The following NCOA7 variants were observed in gnomAD, a reference collection of about 807,000 sequenced individuals.
The protein encoded by NCOA7 is 140 kDa estrogen receptor-associated protein.
A neutral mutation model predicts 104.3 loss-of-function variants in NCOA7; 45 were observed. That is an observed-to-expected ratio of 0.43 (90% CI 0.34 to 0.55). The LOEUF (loss-of-function observed/expected upper bound fraction) is 0.55. NCOA7 is among the 20% of genes least tolerant of loss of function. NCOA7 has a pLI of 0.02. For synonymous variants in NCOA7, 398 were observed against 402.3 expected (o/e 0.99, Z 0.13); for missense variants, 1,041 against 1,119.7 (o/e 0.93, Z 1.00).
At chr6:125,903,317 G>A (rs1005676989) in intron 10 of NCOA7, among the ~76,000 whole-genome samples, 7 of 152,126 alleles carry the variant, frequency 4.6e-5, no homozygotes, top group African/African-American at 1.7e-4. Flanking sequence ...GCCACACCTG[G>A]GGTCTGGCCT....
upstream of NCOA7, chr6:125,786,286 C>A (rs1418273317): frequency 6.6e-6 from 1 of 152,204 alleles, no homozygotes; most frequent in Non-Finnish European, 1.5e-5. Flanking sequence ...AGTGAATTTT[C>A]TTGGTGCTAG....
At chr6:125,835,713 A>G (rs1779558067) in intron 2 of NCOA7, among the ~76,000 whole-genome samples, 1 of 152,220 alleles carries the variant, frequency 6.6e-6, no homozygotes, top group African/African-American at 2.4e-5. Flanking sequence ...GCAGAGACTC[A>G]GTGCTTTGAT....
chr6:125,782,971 C>T (rs568773751), intron 1 of NCOA7, among the ~76,000 whole-genome samples: 170 of 152,212 alleles, frequency 1.1e-3, no homozygotes, highest in Admixed American at 2.8e-3. Context: ...GCAGAGGAGT[C>T]AGGTCAGAGT....
intron 2 of NCOA7, among the ~76,000 whole-genome samples, chr6:125,823,498 G>A (rs1428326005): frequency 1.3e-5 from 2 of 152,168 alleles, no homozygotes; most frequent in Non-Finnish European, 2.9e-5. Context: ...GAGCCGTGAT[G>A]TTAAGGCTTA....
chr6:125,928,580 T>C (rs1248450398), intron 15 of NCOA7, 56 bp from the exon 16 acceptor site: 2 of 1,551,974 alleles, frequency 1.3e-6, no homozygotes, highest in Non-Finnish European at 1.7e-6. Context: ...GAGAGAATAG[T>C]GTGTCATGTA....
At chr6:125,809,238 G>T (rs1257754711) in intron 1 of NCOA7, among the ~76,000 whole-genome samples, 1 of 152,004 alleles carries the variant, frequency 6.6e-6, no homozygotes, top group African/African-American at 2.4e-5. Flanking sequence ...GCCCAGGCTG[G>T]AGTGCAGTGG....
rs1458748803 is a variant in NCOA7 at position 125,862,749 on chromosome 6, A to G, written c.271+7509A>G. Among the ~76,000 whole-genome samples, 2 of 138,838 alleles carry G rather than the reference A, an allele frequency of 1.4e-5. 1 individual carries two copies. The highest frequency in any genetic ancestry group is 6.0e-5 in the African/African-American group (2 of 33,434). The allele number at this position is 138,838 out of a possible 152,430, so 91.1% of individuals were successfully genotyped here. A position where few individuals can be genotyped will look rare whatever the true frequency, so the allele number is the denominator to read the frequency against. ...CTAGGTGTGGTGGTTCATGCCTATA[A>G]TCACAGCACTTTGGGGGGCCAAGGC... On this transcript the variant is annotated intron_variant, in intron 3 of 15. Transcript: ENST00000392477.
intron 10 of NCOA7, among the ~76,000 whole-genome samples, chr6:125,908,539 A>C (rs1044995800): frequency 6.6e-6 from 1 of 152,208 alleles, no homozygotes; most frequent in African/African-American, 2.4e-5. Flanking sequence ...GAGAAGCTCT[A>C]ATAATATTGA....
At chr6:125,875,265 C>G (rs1197536347) in intron 4 of NCOA7, 4 of 275,560 alleles carry the variant, frequency 1.5e-5, no homozygotes, top group Non-Finnish European at 7.3e-6. Context: ...CCTTTCTTCC[C>G]CCACCACTCC....
At chr6:125,868,109 G>A (rs889388781) in intron 3 of NCOA7, among the ~76,000 whole-genome samples, 54 of 152,128 alleles carry the variant, frequency 3.5e-4, no homozygotes, top group Admixed American at 3.1e-3. Flanking sequence ...TCTATTCTTA[G>A]TTTTCTAACA....
At position 125,855,012 on chromosome 6, in the gene NCOA7, T is replaced by C. The variant is rs901679334; in HGVS notation, c.51-8T>C. On this transcript the variant is annotated splice_region_variant and splice_polypyrimidine_tract_variant and intron_variant, in intron 2 of 15. Coordinates refer to ENST00000392477, the MANE Select transcript of NCOA7 (RefSeq NM_181782.5). The stretch of plus-strand genomic sequence containing the variant: ...CAATGTTTTTTCTTTTTTTTCCCTC[T>C]TTCCTAGACTGAAAAAGAAAAAACA... 2 of 1,578,064 alleles carry C rather than the reference T, an allele frequency of 1.3e-6. No homozygotes were observed. Among genetic ancestry groups the C allele is most frequent in the African/African-American group, 2.7e-5 (2 of 73,052 alleles).
At chr6:125,923,365 C>T (rs1224176791) in intron 13 of NCOA7, among the ~76,000 whole-genome samples, 2 of 152,276 alleles carry the variant, frequency 1.3e-5, no homozygotes, top group East Asian at 3.9e-4. Flanking sequence ...CTGTACCGTT[C>T]TTGATTGTAC....
At chr6:125,798,380 T>A (rs764784265) in intron 1 of NCOA7, among the ~76,000 whole-genome samples, 1 of 152,236 alleles carries the variant, frequency 6.6e-6, no homozygotes, top group Non-Finnish European at 1.5e-5. Flanking sequence ...AATAATAGTA[T>A]CTACCTCCTA....
In NCOA7 at chr6:125,854,988, A is replaced by C. The variant is rs773793194; in HGVS notation, c.51-32A>C. On this transcript the variant is annotated intron_variant, in intron 2 of 15. Transcript: ENST00000392477. ...ATTTCTACCAGCAAATCATCTCTCC[A>C]ATGTTTTTTCTTTTTTTTCCCTCTT... The C allele has an allele frequency of 2.7e-4, 390 of 1,447,474 alleles. 3 individuals carry two copies. The highest frequency in any genetic ancestry group is 2.2e-5 in the Non-Finnish European group (23 of 1,056,990). The allele number at this position is 1,447,474 out of a possible 1,614,324, so 89.7% of individuals were successfully genotyped here.
Position 125,930,414 on chromosome 6 carries a change from A to G in NCOA7, c.*1643A>G, listed in dbSNP as rs1788398296. 6.6e-6 allele frequency: 1 copy of G among 152,630 alleles called. No homozygotes were observed. Among genetic ancestry groups the G allele is most frequent in the African/African-American group, 2.4e-5 (1 of 41,438 alleles). The allele number at this position is 152,630 out of a possible 1,614,324, so 9.5% of individuals were successfully genotyped here. A position where few individuals can be genotyped will look rare whatever the true frequency, so the allele number is the denominator to read the frequency against. On this transcript the variant is annotated 3_prime_UTR_variant, in exon 16 of 16. Coordinates refer to ENST00000392477, the MANE Select transcript of NCOA7 (RefSeq NM_181782.5). ...TACTTAACCAATATTATTGATTACC[A>G]GACTTTTATGAAAGCCAAAGACTGC...
chr6:125,832,560 GA>G (rs1779277639), intron 2 of NCOA7, among the ~76,000 whole-genome samples: 1 of 152,182 alleles, frequency 6.6e-6, no homozygotes, highest in African/African-American at 2.4e-5. Flanking sequence ...TTGCAGCCTG[GA>G]TAGAGGAAAT....
chr6:125,906,678 G>C (rs566536447), intron 10 of NCOA7, among the ~76,000 whole-genome samples: 1 of 152,130 alleles, frequency 6.6e-6, no homozygotes, highest in Non-Finnish European at 1.5e-5. Flanking sequence ...GGGGAGAGAG[G>C]AGGAAGAGGG....
Position 125,889,123 on chromosome 6 carries a change from C to T in NCOA7, c.1069C>T (p.His357Tyr), listed in dbSNP as rs758455986. The change falls in exon 9 of 16, where the codon CAT (histidine) becomes TAT (tyrosine). Residue 357 changes from histidine to tyrosine, a missense_variant. Around this residue, in one of 2 missense-constraint regions of NCOA7, gnomAD observed 914 missense variants for 942.7 expected, o/e 0.97. Transcript: ENST00000392477. ...AGTACCTTTGGAGAAGTCCACAGGA[C>T]ATACACCTACAAAGCCCTCAGGCAG... ...PIVPLEKSTG[H>Y]TPTKPSGSSV... is the part of the protein sequence containing the mutation. The T allele has an allele frequency of 1.7e-5, 27 of 1,614,022 alleles. No homozygotes were observed. The South Asian group carries it at 2.6e-4, about 16-fold the overall frequency.
Position 125,922,686 on chromosome 6 carries a change from C to G in NCOA7, c.2375C>G (p.Ala792Gly), listed in dbSNP as rs373968472. The G allele has an allele frequency of 1.3e-5, 21 of 1,611,808 alleles. No individual in the cohort carries two copies. The East Asian group carries it at 1.8e-4, about 14-fold the overall frequency. The change falls in exon 13 of 16, where the codon GCC becomes GGC. Residue 792 changes from alanine to glycine, a missense_variant. By Grantham distance (60) the Ala-to-Gly change is moderately conservative. Around this residue, in one of 2 missense-constraint regions of NCOA7, gnomAD observed 914 missense variants for 942.7 expected, o/e 0.97. Transcript: ENST00000392477. ...TCTCTTCCTTTGGCTTTGTAGCTGG[C>G]CCGACGCCTTCCTGCAAGGGTGCAA... ...LLENMHIEQL[A>G]RRLPARVQGY...
Sources: allele counts gnomAD v4.1 joint callset (sites outside exome capture counted in the v4.1 genomes callset), GRCh38; gene constraint gnomAD v4.1.1; regional missense constraint gnomAD v4.1.1; transcripts MANE v1.5; gene names NCBI Gene and HGNC (gene_info 2026-07-23, HGNC 2026-07-21).